The following HAUS3 variants were observed in gnomAD, a reference collection of about 807,000 sequenced individuals.
HAUS3 encodes the protein HAUS augmin like complex subunit 3, also known as HAUS augmin-like complex subunit 3.
Under a neutral mutation model 55.2 loss-of-function variants are expected in HAUS3, and 36 were observed. The ratio of observed to expected loss-of-function variants is 0.65; its 90% confidence interval spans 0.50 to 0.86. The LOEUF (loss-of-function observed/expected upper bound fraction) is 0.86. HAUS3 is among the 40% of genes least tolerant of loss of function. The pLI is 0.00. For synonymous variants in HAUS3, 234 were observed against 238.6 expected (o/e 0.98, Z 0.18); for missense variants, 752 against 671.5 (o/e 1.12, Z -1.33).
At position 2,231,954 on chromosome 4, in the gene HAUS3, C is replaced by A. The variant is rs778000123; in HGVS notation, c.1785G>T (p.Lys595Asn). 1.6e-5 allele frequency: 22 copies of A among 1,417,484 alleles called. No individual in the cohort carries two copies. The highest frequency in any genetic ancestry group is 2.1e-5 in the Non-Finnish European group (21 of 1,019,030). The allele number at this position is 1,417,484 out of a possible 1,614,324, so 87.8% of individuals were successfully genotyped here. A position where few individuals can be genotyped will look rare whatever the true frequency, so the allele number is the denominator to read the frequency against. ...DIVENLETQS[K>N]IKAVSLED ...AATCTTCAAGACTAACAGCCTTAAT[C>A]TTTGATTGAGTTTCTAAATTCTCCA... Residue 595 changes from lysine to asparagine, a missense_variant, in exon 6 of 6, where the codon AAG becomes AAT. Transcript: ENST00000443786.
At position 2,231,373 on chromosome 4, in the gene HAUS3, G is replaced by C. The variant is rs1052792558; in HGVS notation, c.*554C>G. On this transcript the variant is annotated 3_prime_UTR_variant, in exon 6 of 6. Coordinates refer to ENST00000443786, the MANE Select transcript of HAUS3 (RefSeq NM_001303143.2). Reference sequence around the variant, plus strand: ...TCCGGCACTTTGGGAGGCCGGGAGAGGGGATCAAGAGGTCAAGAGATTGAG... The same window carrying C: ...TCCGGCACTTTGGGAGGCCGGGAGACGGGATCAAGAGGTCAAGAGATTGAG... The C allele has an allele frequency of 1.3e-5, 2 of 152,450 alleles. No individual in the cohort carries two copies. Among genetic ancestry groups the C allele is most frequent in the South Asian group, 4.1e-4 (2 of 4,826 alleles). 9.4% of individuals were successfully genotyped at this position (152,450 alleles called of 1,614,324 possible). A position where few individuals can be genotyped will look rare whatever the true frequency, so the allele number is the denominator to read the frequency against.
chr4:2,239,982 T>C (rs1734911554), intron 3 of HAUS3, 56 bp downstream of exon 3: 1 of 1,328,514 alleles, frequency 7.5e-7, no homozygotes. Flanking sequence ...CAATATTATC[T>C]CCTCTATTCC....
chr4:2,239,103 G>A (rs1734878306), intron 3 of HAUS3, 60 bp from the exon 4 acceptor site: 2 of 909,790 alleles, frequency 2.2e-6, no homozygotes, highest in South Asian at 4.9e-5. Context: ...ATCATCTTAA[G>A]ATTATTTTCA....
intron 4 of HAUS3, among the ~76,000 whole-genome samples, chr4:2,236,729 G>A (rs531826211): frequency 1.4e-4 from 21 of 151,954 alleles, no homozygotes; most frequent in African/African-American, 3.4e-4. Context: ...CGGGCATGGC[G>A]GCATGCACCT....
chr4:2,240,998 T>G lies in HAUS3; in HGVS notation c.-52A>C. ...ATCTGATATGGGTTTACGGTGTTGA[T>G]TTTTAGAAAATAAATCCAAGCAGAA... On this transcript the variant is annotated 5_prime_UTR_variant, in exon 3 of 6. Transcript: ENST00000443786. 7.4e-7 allele frequency: 1 copy of G among 1,346,826 alleles called. No homozygotes were observed. The highest frequency in any genetic ancestry group is 1.0e-6 in the Non-Finnish European group (1 of 981,124). 83.4% of individuals were successfully genotyped at this position (1,346,826 alleles called of 1,614,324 possible).
In HAUS3 at chr4:2,240,588, C is replaced by G. The variant is rs760662072; in HGVS notation, c.359G>C (p.Arg120Pro). The G allele has an allele frequency of 1.2e-6, 2 of 1,612,536 alleles. No individual in the cohort carries two copies. Among genetic ancestry groups the G allele is most frequent in the African/African-American group, 1.3e-5 (1 of 74,744 alleles). Residue 120 changes from arginine to proline, a missense_variant, in exon 3 of 6, where the codon CGT (arginine) becomes CCT (proline). Transcript: ENST00000443786. ...TGAAGCCATCAATTGACATTTATTA[C>G]GTCGCTGAATTTTTAGGTTCTTTAA... is the stretch of plus-strand genomic sequence containing the variant. ...LKLKNLKIQR[R>P]NKCQLMASVT...
At chr4:2,239,900 C>A in intron 3 of HAUS3, 138 bp downstream of exon 3, 2 of 678,712 alleles carry the variant, frequency 2.9e-6, no homozygotes, top group Non-Finnish European at 5.0e-6. Context: ...ACACAGATCA[C>A]AAATAAGCAC....
chr4:2,234,938 T>C (rs1245888307), intron 5 of HAUS3, among the ~76,000 whole-genome samples: 1 of 152,198 alleles, frequency 6.6e-6, no homozygotes, highest in Non-Finnish European at 1.5e-5. Flanking sequence ...CAGGCTGGAG[T>C]GCAGTGGCGC....
intron 5 of HAUS3, among the ~76,000 whole-genome samples, chr4:2,235,397 G>A (rs1250262704): frequency 6.6e-6 from 1 of 152,198 alleles, no homozygotes; most frequent in Admixed American, 6.5e-5. Flanking sequence ...CAAAGATGTG[G>A]AGAAACTGGA....
rs1390780733 is a variant in HAUS3 at position 2,230,590 on chromosome 4, A to G, written c.*1337T>C. The G allele has an allele frequency of 1.3e-5, 2 of 152,070 alleles. No individual in the cohort carries two copies. Among genetic ancestry groups the G allele is most frequent in the Admixed American group, 1.3e-4 (2 of 15,262 alleles). 9.4% of individuals were successfully genotyped at this position (152,070 alleles called of 1,614,324 possible). ...ATAACATAAACACAATAATTGGCAA[A>G]ATATTTTTGTTCAATGGGTTTCAAA... On this transcript the variant is annotated 3_prime_UTR_variant, in exon 6 of 6. Transcript: ENST00000443786.
intron 4 of HAUS3, 130 bp from the exon 5 acceptor site, chr4:2,236,586 C>A: frequency 1.5e-6 from 1 of 658,252 alleles, no homozygotes. Context: ...TGGCCGGGTA[C>A]AGTAGCTCAC....
rs1224945184 is a variant in HAUS3 at position 2,242,056 on chromosome 4, G to A, written c.-424C>T. 8 of 985,752 alleles carry A rather than the reference G, an allele frequency of 8.1e-6. No individual in the cohort carries two copies. In the African/African-American group the frequency reaches 1.4e-4, roughly 17 times the overall value. The allele number at this position is 985,752 out of a possible 1,614,324, so 61.1% of individuals were successfully genotyped here. A position where few individuals can be genotyped will look rare whatever the true frequency, so the allele number is the denominator to read the frequency against. On this transcript the variant is annotated 5_prime_UTR_variant, in exon 1 of 6. Coordinates refer to ENST00000443786, the MANE Select transcript of HAUS3 (RefSeq NM_001303143.2). ...CCGAGGCCCGCGTCAGTCACCTCAG[G>A]AAGTTCCGCTTGCTTCTCGCAGGAG...
In HAUS3 at chr4:2,231,336, C is replaced by T. The variant is rs1734571681; in HGVS notation, c.*591G>A. 1.3e-5 allele frequency: 2 copies of T among 152,318 alleles called. No homozygotes were observed. The highest frequency in any genetic ancestry group is 4.8e-5 in the African/African-American group (2 of 41,458). 9.4% of individuals were successfully genotyped at this position (152,318 alleles called of 1,614,324 possible). A position where few individuals can be genotyped will look rare whatever the true frequency, so the allele number is the denominator to read the frequency against. On this transcript the variant is annotated 3_prime_UTR_variant, in exon 6 of 6. Transcript: ENST00000443786. ...TTAATAGCGGCTGAGCGTGGTGGCT[C>T]ATGCCTGTAATTCCGGCACTTTGGG...
chr4:2,232,147 T>G lies in HAUS3; in HGVS notation c.1592A>C (p.Gln531Pro), dbSNP rs1429607517. 1.3e-6 allele frequency: 2 copies of G among 1,523,354 alleles called. No individual in the cohort carries two copies. The highest frequency in any genetic ancestry group is 2.5e-5 in the South Asian group (2 of 78,830). The allele number at this position is 1,523,354 out of a possible 1,614,324, so 94.4% of individuals were successfully genotyped here. A position where few individuals can be genotyped will look rare whatever the true frequency, so the allele number is the denominator to read the frequency against. The change falls in exon 6 of 6, where the codon CAG becomes CCG. Residue 531 changes from glutamine to proline, a missense_variant. Transcript: ENST00000443786. The part of the protein sequence containing the change: ...LLLSDQELTE[Q>P]FHKVESQLNK... ...CAGTTGAGATTCAACTTTATGAAACTGCTCTGTTAACTCCTAAAAAAGGAA... is the reference window on the plus strand; with the variant it reads ...CAGTTGAGATTCAACTTTATGAAACGGCTCTGTTAACTCCTAAAAAAGGAA...
In HAUS3 at chr4:2,229,012, A is replaced by T; in HGVS notation, c.*2915T>A. 1 of 1,342,910 alleles carries T rather than the reference A, an allele frequency of 7.4e-7. No homozygotes were observed. Among genetic ancestry groups the T allele is most frequent in the Non-Finnish European group, 1.0e-6 (1 of 970,380 alleles). The allele number at this position is 1,342,910 out of a possible 1,614,324, so 83.2% of individuals were successfully genotyped here. ...GGCGGGAGCTGGGCTTCATCTGTCT[A>T]CATGCATTCCATTTTCAATTCTTAG... On this transcript the variant is annotated 3_prime_UTR_variant, in exon 6 of 6. Coordinates refer to ENST00000443786, the MANE Select transcript of HAUS3 (RefSeq NM_001303143.2).
Position 2,242,086 on chromosome 4 carries a change from C to T in HAUS3, c.-454G>A. 1 of 985,890 alleles carries T rather than the reference C, an allele frequency of 1.0e-6. No homozygotes were observed. The highest frequency in any genetic ancestry group is 1.7e-5 in the African/African-American group (1 of 57,374). The allele number at this position is 985,890 out of a possible 1,614,324, so 61.1% of individuals were successfully genotyped here. The stretch of plus-strand genomic sequence containing the variant: ...TCCGCTTGCTTCTCGCAGGAGCCCG[C>T]CGCCACCGCCCTCCGTGCCCCGCGC... On this transcript the variant is annotated 5_prime_UTR_variant, in exon 1 of 6. Transcript: ENST00000443786.
intron 4 of HAUS3, among the ~76,000 whole-genome samples, chr4:2,238,260 C>G (rs937384995): frequency 6.6e-6 from 1 of 152,092 alleles, no homozygotes; most frequent in Admixed American, 6.5e-5. Flanking sequence ...CAGTCCCCTG[C>G]CCAGCAACAC....
intron 3 of HAUS3, among the ~76,000 whole-genome samples, chr4:2,239,346 A>C (rs896803316): frequency 3.3e-5 from 5 of 152,300 alleles, no homozygotes; most frequent in East Asian, 1.9e-4. Flanking sequence ...CACTGAATCC[A>C]AGTATATGTT....
rs1734482434 is a variant in HAUS3 at position 2,229,013 on chromosome 4, C to T, written c.*2914G>A. The T allele has an allele frequency of 1.5e-6, 2 of 1,349,664 alleles. No homozygotes were observed. The highest frequency in any genetic ancestry group is 1.5e-5 in the African/African-American group (1 of 67,990). 83.6% of individuals were successfully genotyped at this position (1,349,664 alleles called of 1,614,324 possible). On this transcript the variant is annotated 3_prime_UTR_variant, in exon 6 of 6. Transcript: ENST00000443786. ...GCGGGAGCTGGGCTTCATCTGTCTA[C>T]ATGCATTCCATTTTCAATTCTTAGT...
Sources: gnomAD v4.1 joint callset for allele counts (sites outside exome capture counted in the v4.1 genomes callset) on GRCh38, gnomAD v4.1.1 for gene constraint, MANE v1.5 for transcripts, NCBI Gene and HGNC (gene_info 2026-07-23, HGNC 2026-07-21) for gene names.